Variants in PCDHGC4 observed in about 807,000 individuals in gnomAD.
PCDHGC4 encodes the protein protocadherin gamma-C4.
Under a neutral mutation model 59.7 loss-of-function variants are expected in PCDHGC4, and 15 were observed. The ratio of observed to expected loss-of-function variants is 0.25; its 90% CI spans 0.17 to 0.39. PCDHGC4 has a LOEUF of 0.39. PCDHGC4 is among the 10% of genes least tolerant of loss of function. The pLI is 1.00. For synonymous variants in PCDHGC4, 434 were observed against 481.4 expected (o/e 0.90, Z 1.29); for missense variants, 1,016 against 1,189.5 (o/e 0.85, Z 2.15).
chr5:141,486,901 T>A lies in PCDHGC4; in HGVS notation c.1728T>A (p.Cys576Ter). The A allele has an allele frequency of 6.2e-7, 1 of 1,614,238 alleles. No homozygotes were observed. Among genetic ancestry groups the A allele is most frequent in the Non-Finnish European group, 8.5e-7 (1 of 1,180,042 alleles). ...LRPRARPGSL[C>*]PQALPPSVGA... ...CTCGGGCCCGGCCTGGTTCCTTATG[T>A]CCCCAAGCACTGCCTCCATCAGTTG... The change falls in exon 1 of 4, where the codon TGT (cysteine) becomes TGA (stop). Residue 576 changes from cysteine (C) to a stop codon, truncating the protein, a stop_gained. Transcript: ENST00000306593. LOFTEE classifies it high-confidence loss of function. This position sits in a 1 kb window ranked among gnomAD's most constrained non-coding sequence, Gnocchi z 5.0.
chr5:141,486,322 A>G lies in PCDHGC4; in HGVS notation c.1149A>G (p.Gly383=). The G allele has an allele frequency of 1.9e-6, 3 of 1,613,926 alleles. No homozygotes were observed. The highest frequency in any genetic ancestry group is 2.5e-6 in the Non-Finnish European group (3 of 1,179,962). The change falls in exon 1 of 4, where the codon GGA becomes GGG. Residue 383 remains glycine (G), a synonymous_variant. Coordinates refer to ENST00000306593, the MANE Select transcript of PCDHGC4 (RefSeq NM_018928.3). This position sits in a 1 kb window ranked among gnomAD's most constrained non-coding sequence, Gnocchi z 5.0. ...AGGATCCAGACTCAGGGTCAAACGG[A>G]GATGTGAGCCTCCGCATTCCTGACC... ...SVQDPDSGSN[G]DVSLRIPDHL...
chr5:141,502,784 G>C (rs185608958), intron 2 of PCDHGC4, among the ~76,000 whole-genome samples: 1 of 151,804 alleles, frequency 6.6e-6, no homozygotes, highest in Non-Finnish European at 1.5e-5. Flanking sequence ...AAATTACCTG[G>C]ATGATTTCTT....
chr5:141,491,685 G>A lies in PCDHGC4; in HGVS notation c.2443-3122G>A. 1 of 1,613,164 alleles carries A rather than the reference G, an allele frequency of 6.2e-7. No individual in the cohort carries two copies. The highest frequency in any genetic ancestry group is 8.5e-7 in the Non-Finnish European group (1 of 1,179,646). On this transcript the variant is annotated intron_variant, in intron 1 of 3. Transcript: ENST00000306593. The surrounding 1 kb of genome is among the most constrained non-coding windows in gnomAD (Gnocchi z 6.9). ...CCATCCGGTCCCGCTCTAATACGCTGCGGGAGCGGAGCCAGGTGAGGGGCT... is the reference window on the plus strand; with the variant it reads ...CCATCCGGTCCCGCTCTAATACGCTACGGGAGCGGAGCCAGGTGAGGGGCT...
At position 141,493,887 on chromosome 5, in the gene PCDHGC4, G is replaced by C. The variant is rs760575047; in HGVS notation, c.2443-920G>C. On this transcript the variant is annotated intron_variant, in intron 1 of 3. Transcript: ENST00000306593. This position sits in a 1 kb window ranked among gnomAD's most constrained non-coding sequence, Gnocchi z 4.3. Reference sequence around the variant, plus strand: ...AGAACCAGTGAGGAGGTGGCTCTAGGAGTGCTCCATGAGAGTGTGTGATGG... The same window carrying C: ...AGAACCAGTGAGGAGGTGGCTCTAGCAGTGCTCCATGAGAGTGTGTGATGG... Among the ~76,000 whole-genome samples, 11 of 152,184 alleles carry C rather than the reference G, an allele frequency of 7.2e-5. No homozygotes were observed. Among genetic ancestry groups the C allele is most frequent in the Non-Finnish European group, 1.2e-4 (8 of 68,026 alleles).
In PCDHGC4 at chr5:141,491,961, G is replaced by A. The variant is rs891299192; in HGVS notation, c.2443-2846G>A. 3 of 970,010 alleles carry A rather than the reference G, an allele frequency of 3.1e-6. No individual in the cohort carries two copies. The highest frequency in any genetic ancestry group is 4.3e-6 in the Non-Finnish European group (3 of 693,098). 60.1% of individuals were successfully genotyped at this position (970,010 alleles called of 1,614,324 possible). On this transcript the variant is annotated intron_variant, in intron 1 of 3. Transcript: ENST00000306593. This position sits in a 1 kb window ranked among gnomAD's most constrained non-coding sequence, Gnocchi z 6.9. ...GACCCCCACCCCTACACTCAAAAAAGGCCGGGGCCTCCTTCGAGCTTCCGG... is the reference window on the plus strand; with the variant it reads ...GACCCCCACCCCTACACTCAAAAAAAGCCGGGGCCTCCTTCGAGCTTCCGG...
chr5:141,501,891 T>G (rs2099811650), intron 2 of PCDHGC4, among the ~76,000 whole-genome samples: 1 of 152,128 alleles, frequency 6.6e-6, no homozygotes, highest in Admixed American at 6.5e-5. Context: ...CTGATCATCA[T>G]GGTTCCAACC....
At chr5:141,504,364 G>A (rs764741297) in intron 2 of PCDHGC4, among the ~76,000 whole-genome samples, 2 of 152,116 alleles carry the variant, frequency 1.3e-5, no homozygotes, top group African/African-American at 2.4e-5. Flanking sequence ...GCTTCAGTAG[G>A]AAGCAGGTGG....
At position 141,501,290 on chromosome 5, in the gene PCDHGC4, TACACACACACAC is replaced by T. The variant is rs55762287; in HGVS notation, c.2502-4070_2502-4059del. Among the ~76,000 whole-genome samples, 15 of 136,248 alleles carry T rather than the reference TACACACACACAC, an allele frequency of 1.1e-4. No homozygotes were observed. The South Asian group carries it at 1.2e-3, about 11-fold the overall frequency. The allele number at this position is 136,248 out of a possible 152,430, so 89.4% of individuals were successfully genotyped here. A position where few individuals can be genotyped will look rare whatever the true frequency, so the allele number is the denominator to read the frequency against. ...GTCCAGTCTATGGGATATTCCCTTA[TACACACACACAC>T]ACACACACACACACACACACACACA... On this transcript the variant is annotated intron_variant, in intron 2 of 3. Transcript: ENST00000306593.
Position 141,485,274 on chromosome 5 carries a change from C to G in PCDHGC4, c.101C>G (p.Pro34Arg). 2 of 1,614,106 alleles carry G rather than the reference C, an allele frequency of 1.2e-6. No homozygotes were observed. Among genetic ancestry groups the G allele is most frequent in the Non-Finnish European group, 1.7e-6 (2 of 1,179,964 alleles). Residue 34 changes from proline (P) to arginine (R), a missense_variant, in exon 1 of 4, where the codon CCG becomes CGG. Transcript: ENST00000306593. The surrounding 1 kb of genome is among the most constrained non-coding windows in gnomAD (Gnocchi z 5.7). ...TACGTTTGTGGGCAGATCCGCTACC[C>G]GGTCCCAGAGGAGTCACAGGAAGGG... ...LGYVCGQIRY[P>R]VPEESQEGTF...
rs1236074950 is a variant in PCDHGC4 at position 141,489,119 on chromosome 5, C to G, written c.2442+1504C>G. On this transcript the variant is annotated intron_variant, in intron 1 of 3. Transcript: ENST00000306593. This position sits in a 1 kb window ranked among gnomAD's most constrained non-coding sequence, Gnocchi z 4.5. ...GAACTGCTGCAAGCAGGCAAACCTC[C>G]GAGCAGTTTTTAAGAGGCTGGAAGG... The G allele has an allele frequency of 1.5e-6, 1 of 650,358 alleles. No individual in the cohort carries two copies. Among genetic ancestry groups the G allele is most frequent in the Non-Finnish European group, 2.5e-6 (1 of 400,690 alleles). The allele number at this position is 650,358 out of a possible 1,614,324, so 40.3% of individuals were successfully genotyped here. A position where few individuals can be genotyped will look rare whatever the true frequency, so the allele number is the denominator to read the frequency against.
chr5:141,509,601 G>A (rs2099877534), intron 3 of PCDHGC4, among the ~76,000 whole-genome samples: 1 of 152,144 alleles, frequency 6.6e-6, no homozygotes, highest in Non-Finnish European at 1.5e-5. Flanking sequence ...ATTCCGAGAG[G>A]CTGCATTCTA....
Position 141,485,187 on chromosome 5 carries a change from T to A in PCDHGC4, c.14T>A (p.Val5Glu), listed in dbSNP as rs1325714839. MLRK[V>E]RSWTEIWRWA... ...CGGGCGGCAGCAATGCTCCGCAAGG[T>A]GAGAAGCTGGACAGAAATCTGGCGG... Residue 5 changes from valine to glutamate, a missense_variant, in exon 1 of 4, where the codon GTG becomes GAG. Transcript: ENST00000306593. This position sits in a 1 kb window ranked among gnomAD's most constrained non-coding sequence, Gnocchi z 5.7. 1 of 1,613,502 alleles carries A rather than the reference T, an allele frequency of 6.2e-7. No individual in the cohort carries two copies. The highest frequency in any genetic ancestry group is 1.7e-5 in the Admixed American group (1 of 60,018).
intron 2 of PCDHGC4, among the ~76,000 whole-genome samples, chr5:141,502,989 G>A (rs140974023): frequency 0.024 from 3,652 of 150,590 alleles, 56 homozygotes; most frequent in East Asian, 0.043. Context: ...GATTACAGGC[G>A]TGTGCCACCA....
rs777537045 is a variant in PCDHGC4 at position 141,490,191 on chromosome 5, A to T, written c.2442+2576A>T. The T allele has an allele frequency of 6.2e-7, 1 of 1,614,176 alleles. No homozygotes were observed. The highest frequency in any genetic ancestry group is 1.1e-5 in the South Asian group (1 of 91,082). On this transcript the variant is annotated intron_variant, in intron 1 of 3. Coordinates refer to ENST00000306593, the MANE Select transcript of PCDHGC4 (RefSeq NM_018928.3). The surrounding 1 kb of genome is among the most constrained non-coding windows in gnomAD (Gnocchi z 5.4). ...ACTTTGAGGAGTCACGTTTCTATGA[A>T]ATTCATGCAAGAGCCCGTGACCAGG...
chr5:141,500,484 C>T (rs2099800696), intron 2 of PCDHGC4, among the ~76,000 whole-genome samples: 1 of 152,304 alleles, frequency 6.6e-6, no homozygotes, highest in Non-Finnish European at 1.5e-5. Context: ...GCTGGGATTA[C>T]AGGCGTGAGC....
In PCDHGC4 at chr5:141,487,844, A is replaced by T; in HGVS notation, c.2442+229A>T. The T allele has an allele frequency of 1.9e-6, 2 of 1,043,194 alleles. No individual in the cohort carries two copies. The highest frequency in any genetic ancestry group is 2.7e-6 in the Non-Finnish European group (2 of 730,908). The allele number at this position is 1,043,194 out of a possible 1,614,324, so 64.6% of individuals were successfully genotyped here. ...CGGGTCATGCCTATATCTGAGTAAG[A>T]AATGAAAGTAATTGGTGATCAAGAG... On this transcript the variant is annotated intron_variant, in intron 1 of 3. Transcript: ENST00000306593. This position sits in a 1 kb window ranked among gnomAD's most constrained non-coding sequence, Gnocchi z 5.0.
At chr5:141,496,479 CAACCAACCA>C (rs1199646129) in intron 2 of PCDHGC4, among the ~76,000 whole-genome samples, 1 of 152,180 alleles carries the variant, frequency 6.6e-6, no homozygotes, top group Non-Finnish European at 1.5e-5. Context: ...CCCCATCCTG[CAACCAACCA>C]AACCCTTGTT....
rs144789830 is a variant in PCDHGC4 at position 141,503,198 on chromosome 5, C to T, written c.2502-2195C>T. Among the ~76,000 whole-genome samples the T allele has an allele frequency of 3.7e-3, 561 of 152,172 alleles. 5 individuals carry two copies. Among genetic ancestry groups the T allele is most frequent in the Admixed American group, 0.011 (164 of 15,268 alleles). ...TATTGTGTAATTATTTAAAATCAGC[C>T]TCTCAGTGCCCACCATGAGCACCGT... On this transcript the variant is annotated intron_variant, in intron 2 of 3. Coordinates refer to ENST00000306593, the MANE Select transcript of PCDHGC4 (RefSeq NM_018928.3).
chr5:141,490,257 T>C lies in PCDHGC4; in HGVS notation c.2442+2642T>C, dbSNP rs2099697852. On this transcript the variant is annotated intron_variant, in intron 1 of 3. Coordinates refer to ENST00000306593, the MANE Select transcript of PCDHGC4 (RefSeq NM_018928.3). The surrounding 1 kb of genome is among the most constrained non-coding windows in gnomAD (Gnocchi z 5.4). ...AGGGCCACTGTGTGATTCAAGTGGATGTGGGGGATGTCAATGACAATGCCC... is the reference window on the plus strand; with the variant it reads ...AGGGCCACTGTGTGATTCAAGTGGACGTGGGGGATGTCAATGACAATGCCC... The C allele has an allele frequency of 6.2e-7, 1 of 1,614,208 alleles. No individual in the cohort carries two copies. Among genetic ancestry groups the C allele is most frequent in the South Asian group, 1.1e-5 (1 of 91,078 alleles).
Sources: allele counts gnomAD v4.1 joint callset (sites outside exome capture counted in the v4.1 genomes callset), GRCh38; gene constraint gnomAD v4.1.1; non-coding constraint Gnocchi (gnomAD v3.1); transcripts MANE v1.5; gene names NCBI Gene and HGNC (gene_info 2026-07-23, HGNC 2026-07-21).